CHST11: variants seen among roughly 807,000 people sequenced by gnomAD.
CHST11 encodes carbohydrate sulfotransferase 11.
Under a neutral mutation model 30.4 loss-of-function variants are expected in CHST11, and 9 were observed. The observed-to-expected ratio is 0.30, with a 90% CI of 0.18 to 0.52. The LOEUF (loss-of-function observed/expected upper bound fraction) is 0.52. Among genes scored for constraint, CHST11 ranks in the 20% least tolerant of loss-of-function variants. The probability of loss-of-function intolerance (pLI) is 0.97; values close to 1 mark genes in which losing one functional copy is unlikely to be tolerated. For synonymous variants in CHST11, 152 were observed against 187.8 expected, an observed-to-expected ratio of 0.81 and a Z score of 1.56; for missense variants, 348 against 460.6, an observed-to-expected ratio of 0.76 and a Z score of 2.24.
intron 1 of CHST11, among the ~76,000 whole-genome samples, chr12:104,461,049 A>C (rs2037403303): frequency 6.6e-6 from 1 of 152,202 alleles, no homozygotes; most frequent in Non-Finnish European, 1.5e-5. Flanking sequence ...TCTGGTTTTC[A>C]GGAAGGTCAC....
At chr12:104,650,401 A>G (rs1343605720) in intron 2 of CHST11, among the ~76,000 whole-genome samples, 13 of 152,110 alleles carry the variant, frequency 8.5e-5, no homozygotes, top group African/African-American at 3.1e-4. Flanking sequence ...CCAGGTAGAG[A>G]ATTATCTGTT....
intron 2 of CHST11, among the ~76,000 whole-genome samples, chr12:104,685,458 G>A (rs770523844): frequency 2.6e-5 from 4 of 152,124 alleles, no homozygotes; most frequent in African/African-American, 7.2e-5. Flanking sequence ...GATAAATTTT[G>A]AACACCTTTT....
chr12:104,645,551 C>T (rs1029373338), intron 2 of CHST11, among the ~76,000 whole-genome samples: 4 of 152,160 alleles, frequency 2.6e-5, no homozygotes, highest in Non-Finnish European at 5.9e-5. Flanking sequence ...ATTTTGGCCC[C>T]TTCTGAGTTT....
rs183385018 is a variant in CHST11, at chr12:104,513,876, G to A, written c.118+56347G>A. On this transcript the variant is annotated intron_variant, in intron 1 of 2. Transcript: ENST00000303694. ...CAGTGGCGTCAGAAGGCCAAGGCTC[G>A]GCAACCTTGGATAAGTCACTGTCTG... Among the ~76,000 whole-genome samples the A allele has an allele frequency of 1.2e-4, 19 of 152,288 alleles. No homozygotes were observed. In the East Asian group the frequency reaches 3.5e-3, roughly 28 times the overall value.
intron 2 of CHST11, among the ~76,000 whole-genome samples, chr12:104,609,183 C>T (rs1278100887): frequency 6.6e-6 from 1 of 152,224 alleles, no homozygotes; most frequent in Non-Finnish European, 1.5e-5. Context: ...TTACCAACCA[C>T]CTGGTAAATG....
At chr12:104,539,720 T>G (rs1213003283) in intron 1 of CHST11, among the ~76,000 whole-genome samples, 2 of 152,236 alleles carry the variant, frequency 1.3e-5, no homozygotes, top group Admixed American at 1.3e-4. Flanking sequence ...TTTCAGACTT[T>G]TAATAGTTAT....
chr12:104,611,709 C>T (rs570174591), intron 2 of CHST11, among the ~76,000 whole-genome samples: 12 of 152,290 alleles, frequency 7.9e-5, no homozygotes, highest in African/African-American at 2.2e-4. Flanking sequence ...AAGAGTATGG[C>T]GCTTTTGTCC....
intron 1 of CHST11, among the ~76,000 whole-genome samples, chr12:104,558,686 G>A (rs1289347281): frequency 6.6e-6 from 1 of 151,844 alleles, no homozygotes; most frequent in Non-Finnish European, 1.5e-5. Context: ...CTTCAGGTGT[G>A]TGCCACCACG....
chr12:104,731,482 T>G (rs1566057553), intron 2 of CHST11, among the ~76,000 whole-genome samples: 2 of 152,178 alleles, frequency 1.3e-5, no homozygotes, highest in African/African-American at 2.4e-5. Context: ...GGTTTTATTT[T>G]GGGGGGATCA....
At chr12:104,547,452 C>T (rs1296326596) in intron 1 of CHST11, among the ~76,000 whole-genome samples, 1 of 152,170 alleles carries the variant, frequency 6.6e-6, no homozygotes, top group Non-Finnish European at 1.5e-5. Context: ...CAAATGCGAG[C>T]ATCCAGTACC....
chr12:104,715,808 A>ATCGCTC (rs1350356796), intron 2 of CHST11, among the ~76,000 whole-genome samples: 2 of 152,130 alleles, frequency 1.3e-5, no homozygotes, highest in Non-Finnish European at 2.9e-5. Flanking sequence ...TCAGGGATGA[A>ATCGCTC]AGGGTTCTGG....
At chr12:104,723,157 A>G (rs73191457) in intron 2 of CHST11, among the ~76,000 whole-genome samples, 8,129 of 152,268 alleles carry the variant, frequency 0.053, 315 homozygotes, top group Middle Eastern at 0.11. Context: ...AGCAGTCAGC[A>G]GTATTAACAA....
intron 1 of CHST11, among the ~76,000 whole-genome samples, chr12:104,561,793 ATTTT>A (rs60344528): frequency 2.1e-5 from 3 of 141,972 alleles, no homozygotes; most frequent in Non-Finnish European, 3.1e-5. Flanking sequence ...TATTAGGTCC[ATTTT>A]TTTTTTTTTT....
At chr12:104,715,733 G>A (rs1427377881) in intron 2 of CHST11, among the ~76,000 whole-genome samples, 1 of 152,110 alleles carries the variant, frequency 6.6e-6, no homozygotes, top group Non-Finnish European at 1.5e-5. Flanking sequence ...TTAGGCTCCT[G>A]TGACTCCCCT....
chr12:104,712,845 G>C (rs2040098404), intron 2 of CHST11, among the ~76,000 whole-genome samples: 1 of 152,132 alleles, frequency 6.6e-6, no homozygotes. Context: ...CAGTTTGGCT[G>C]GGTAGTTCTC....
At position 104,676,785 on chromosome 12, in the gene CHST11, C is replaced by T. The variant is rs1348612898; in HGVS notation, c.204+74794C>T. ...CCCACCTCAAGACCCTTCACTCTACCGCAGCTGCAAATTCTCCTTTTGCCA... is the reference window on the plus strand; with the variant it reads ...CCCACCTCAAGACCCTTCACTCTACTGCAGCTGCAAATTCTCCTTTTGCCA... On this transcript the variant is annotated intron_variant, in intron 2 of 2. Transcript: ENST00000303694. The surrounding 1 kb of genome is among the most constrained non-coding windows in gnomAD (Gnocchi z 4.4). Among the ~76,000 whole-genome samples, 3 of 152,320 alleles carry T rather than the reference C, an allele frequency of 2.0e-5. No individual in the cohort carries two copies. Among genetic ancestry groups the T allele is most frequent in the Middle Eastern group, 3.4e-3 (1 of 294 alleles).
intron 2 of CHST11, among the ~76,000 whole-genome samples, chr12:104,614,163 T>A (rs565196657): frequency 6.6e-6 from 1 of 152,354 alleles, no homozygotes; most frequent in Admixed American, 6.5e-5. Flanking sequence ...ACCATGAATA[T>A]ATATAATTTT....
At chr12:104,637,783 T>C (rs2039339588) in intron 2 of CHST11, among the ~76,000 whole-genome samples, 1 of 152,190 alleles carries the variant, frequency 6.6e-6, no homozygotes, top group South Asian at 2.1e-4. Flanking sequence ...ACCCATCTGG[T>C]CACGTACATG....
chr12:104,481,768 T>C lies in CHST11; in HGVS notation c.118+24239T>C, dbSNP rs139879946. ...TTTGATGTTATTGTAAATAGGACTG[T>C]TTCCTTCCTTCTTTCCTTCCTTCCT... On this transcript the variant is annotated intron_variant, in intron 1 of 2. Transcript: ENST00000303694. 5.8e-3 allele frequency among the ~76,000 whole-genome samples: 881 copies of C among 151,268 alleles called. 11 individuals are homozygous for C. Among genetic ancestry groups the C allele is most frequent in the African/African-American group, 0.02 (841 of 41,224 alleles).
Sources: allele counts gnomAD v4.1 joint callset (sites outside exome capture counted in the v4.1 genomes callset), GRCh38; gene constraint gnomAD v4.1.1; non-coding constraint Gnocchi (gnomAD v3.1); transcripts MANE v1.5; gene names NCBI Gene and HGNC (gene_info 2026-07-23, HGNC 2026-07-21).